The following CHMP3 variants were observed in gnomAD, a reference collection of about 807,000 sequenced individuals.
The protein encoded by CHMP3 is 25.1 protein.
In CHMP3, 8 loss-of-function variants were observed where a neutral mutation model predicts 27.4. The observed-to-expected ratio is 0.29, with a 90% CI of 0.17 to 0.53. CHMP3 has a LOEUF of 0.53. CHMP3 is among the 20% of genes least tolerant of loss of function. The pLI is 0.96. For synonymous variants in CHMP3, 86 were observed against 85.5 expected (o/e 1.01, Z -0.03); for missense variants, 208 against 271.5 (o/e 0.77, Z 1.64).
In CHMP3 at chr2:86,535,432, T is replaced by C. The variant is rs575456659; in HGVS notation, c.107-6035A>G. Among the ~76,000 whole-genome samples the C allele has an allele frequency of 3.9e-5, 6 of 152,326 alleles. No individual in the cohort carries two copies. In the South Asian group the frequency reaches 1.0e-3, roughly 26 times the overall value. On this transcript the variant is annotated intron_variant, in intron 2 of 5. Coordinates refer to ENST00000263856, the MANE Select transcript of CHMP3 (RefSeq NM_016079.4). ...GTTTTTATTCCCTTCTTATTTCCTTTTGTACAGCCATTTTCTTTGTGGATA... is the reference window on the plus strand; with the variant it reads ...GTTTTTATTCCCTTCTTATTTCCTTCTGTACAGCCATTTTCTTTGTGGATA...
At chr2:86,539,583 C>T (rs1171690258) in intron 2 of CHMP3, among the ~76,000 whole-genome samples, 1 of 151,856 alleles carries the variant, frequency 6.6e-6, no homozygotes, top group Non-Finnish European at 1.5e-5. Context: ...GTAAGCATAG[C>T]ACAAAAAAGG....
rs751377387 is a variant in CHMP3 at position 86,505,852 on chromosome 2, TTCC to T, written c.618_620del (p.Glu208del). The stretch of plus-strand genomic sequence containing the variant: ...GGGACTGCATGGCCTCCAGAGCCTC[TTCC>T]TCCTCCTCCTCATCCTCTGAGGCAG... On this transcript the variant is annotated inframe_deletion, in exon 6 of 6. Transcript: ENST00000263856. 103 of 1,601,882 alleles carry T rather than the reference TTCC, an allele frequency of 6.4e-5. No homozygotes were observed. Among genetic ancestry groups the T allele is most frequent in the East Asian group, 2.3e-4 (10 of 44,064 alleles).
chr2:86,563,125 C>A (rs1002996291), intron 1 of CHMP3, 179 bp downstream of exon 1: 11 of 638,636 alleles, frequency 1.7e-5, no homozygotes, highest in Middle Eastern at 2.9e-4. Flanking sequence ...GGAGCTCTCG[C>A]GTCCCACAGC....
At chr2:86,530,103 C>T (rs1434727351) in intron 2 of CHMP3, among the ~76,000 whole-genome samples, 1 of 152,006 alleles carries the variant, frequency 6.6e-6, no homozygotes, top group East Asian at 1.9e-4. Flanking sequence ...TGAAGTGATT[C>T]TGCCTCAGCC....
chr2:86,521,402 A>G lies in CHMP3; in HGVS notation c.286+7816T>C, dbSNP rs147336039. Among the ~76,000 whole-genome samples the G allele has an allele frequency of 3.3e-5, 5 of 152,354 alleles. No homozygotes were observed. The East Asian group carries it at 5.8e-4, about 18-fold the overall frequency. ...TTTAATAGTAAAATATACATAACAT[A>G]AAATACATTATTTTAACCCAAAATT... is the stretch of plus-strand genomic sequence containing the variant. On this transcript the variant is annotated intron_variant, in intron 3 of 5. Transcript: ENST00000263856.
rs70956122 is a variant in CHMP3, at chr2:86,554,849, ATTTTT to A, written c.45+8450_45+8454del. 7.5e-3 allele frequency among the ~76,000 whole-genome samples: 963 copies of A among 127,790 alleles called. 9 individuals carry two copies. The highest frequency in any genetic ancestry group is 9.7e-3 in the Non-Finnish European group (604 of 62,118). The allele number at this position is 127,790 out of a possible 152,430, so 83.8% of individuals were successfully genotyped here. On this transcript the variant is annotated intron_variant, in intron 1 of 5. Transcript: ENST00000263856. ...TGTGTGTGTGTGTGTGTGTGTGTAG[ATTTTT>A]TTTTTTTTTTTGAGATGGAGTCCCG...
intron 3 of CHMP3, among the ~76,000 whole-genome samples, chr2:86,520,485 C>A (rs1675480988): frequency 1.3e-5 from 2 of 152,068 alleles, no homozygotes; most frequent in South Asian, 4.1e-4. Flanking sequence ...CATTAGAAAC[C>A]ACCCCCATGA....
chr2:86,514,678 T>C (rs1558645405), intron 3 of CHMP3, among the ~76,000 whole-genome samples: 1 of 152,112 alleles, frequency 6.6e-6, no homozygotes, highest in Non-Finnish European at 1.5e-5. Context: ...AATAAATGAA[T>C]CAATCTATAA....
intron 2 of CHMP3, among the ~76,000 whole-genome samples, chr2:86,535,047 A>C (rs1479904462): frequency 6.6e-6 from 1 of 152,186 alleles, no homozygotes; most frequent in African/African-American, 2.4e-5. Flanking sequence ...GCTTGAGTCC[A>C]GGAGTTCCAG....
chr2:86,526,442 T>G (rs1675713308), intron 3 of CHMP3, among the ~76,000 whole-genome samples: 1 of 152,204 alleles, frequency 6.6e-6, no homozygotes, highest in Admixed American at 6.5e-5. Flanking sequence ...AAATATAAAT[T>G]AGTAAAGCTT....
intron 1 of CHMP3, among the ~76,000 whole-genome samples, chr2:86,555,808 T>C (rs548165611): frequency 4.7e-4 from 72 of 152,282 alleles, no homozygotes; most frequent in Middle Eastern, 3.4e-3. Context: ...ATACAGGTGA[T>C]TGCATTTAGG....
At chr2:86,522,812 T>C (rs1234123774) in intron 3 of CHMP3, among the ~76,000 whole-genome samples, 1 of 152,196 alleles carries the variant, frequency 6.6e-6, no homozygotes, top group Admixed American at 6.5e-5. Context: ...CTTTCAAATG[T>C]CTACAGAATA....
intron 3 of CHMP3, among the ~76,000 whole-genome samples, chr2:86,525,141 T>C (rs1033216516): frequency 6.6e-6 from 1 of 152,152 alleles, no homozygotes; most frequent in Non-Finnish European, 1.5e-5. Context: ...TGAAGAAAAA[T>C]AAAATGTTAG....
intron 3 of CHMP3, among the ~76,000 whole-genome samples, chr2:86,522,880 T>C (rs2103923725): frequency 6.6e-6 from 1 of 152,290 alleles, no homozygotes; most frequent in African/African-American, 2.4e-5. Flanking sequence ...CTTTCCAGTC[T>C]CACCTCCCAC....
intron 2 of CHMP3, among the ~76,000 whole-genome samples, chr2:86,530,777 A>G (rs1168662827): frequency 3.3e-5 from 5 of 152,240 alleles, no homozygotes; most frequent in Non-Finnish European, 7.3e-5. Flanking sequence ...ATCATTTTAC[A>G]TTCTCACTAA....
intron 2 of CHMP3, 100 bp downstream of exon 2, chr2:86,542,152 T>A: frequency 4.8e-6 from 6 of 1,255,626 alleles, no homozygotes; most frequent in Non-Finnish European, 6.8e-6. Context: ...GATATAGGAA[T>A]AAACTATGTC....
chr2:86,541,554 T>C (rs1676361786), intron 2 of CHMP3, among the ~76,000 whole-genome samples: 1 of 152,156 alleles, frequency 6.6e-6, no homozygotes, highest in Admixed American at 6.5e-5. Context: ...CAGGGTCATA[T>C]TAAGACTCTC....
intron 3 of CHMP3, among the ~76,000 whole-genome samples, chr2:86,515,913 T>C (rs1011209882): frequency 6.6e-6 from 1 of 152,004 alleles, no homozygotes; most frequent in African/African-American, 2.4e-5. Context: ...ATCCCAATAC[T>C]TTGTGAGGCT....
intron 1 of CHMP3, among the ~76,000 whole-genome samples, chr2:86,549,302 C>CAGGGCAGAGG (rs1676768708): frequency 6.8e-6 from 1 of 146,968 alleles, no homozygotes; most frequent in Non-Finnish European, 1.5e-5. Context: ...GACGGGGCGG[C>CAGGGCAGAGG]CGGGCAGAGG....
Sources: gnomAD v4.1 joint callset for allele counts (sites outside exome capture counted in the v4.1 genomes callset) on GRCh38, gnomAD v4.1.1 for gene constraint, MANE v1.5 for transcripts, NCBI Gene and HGNC (gene_info 2026-07-23, HGNC 2026-07-21) for gene names.